The following KLK15 variants were observed in gnomAD, a reference collection of about 807,000 sequenced individuals.
The protein encoded by KLK15 is kallikrein related peptidase 15.
Under a neutral mutation model 21.1 loss-of-function variants are expected in KLK15, and 19 were observed. The observed-to-expected ratio is 0.90, with a 90% CI of 0.63 to 1.32. The LOEUF is 1.32. Ranked by LOEUF, KLK15 falls within the 40% of genes most tolerant of loss-of-function variation. KLK15 has a pLI of 0.00. For synonymous variants in KLK15, 141 were observed against 141.5 expected (o/e 1.00, Z 0.03); for missense variants, 345 against 348.6 (o/e 0.99, Z 0.08).
chr19:50,831,312 T>C, intron 1 of KLK15, 138 bp downstream of exon 2: 2 of 594,014 alleles, frequency 3.4e-6, no homozygotes, highest in Non-Finnish European at 5.4e-6. Flanking sequence ...TTAGGGACAT[T>C]GGCACAGGTG....
chr19:50,826,844 G>A (rs1222537122), intron 3 of KLK15, 34 bp downstream of exon 4: 1 of 1,556,336 alleles, frequency 6.4e-7, no homozygotes, highest in Middle Eastern at 1.7e-4. Flanking sequence ...AGGATTCCTT[G>A]AGGCCTCGCA....
upstream of KLK15, among the ~76,000 whole-genome samples, chr19:50,832,322 C>CTTTTTTTTTTTTTTTTTTT (rs773163899): frequency 2.7e-5 from 3 of 109,438 alleles, no homozygotes; most frequent in African/African-American, 6.7e-5. Context: ...CTTTTTTTTT[C>CTTTTTTTTTTTTTTTTTTT]TTTTTTTTTT....
At chr19:50,827,708 G>A in exon 2 of KLK15, 1 of 1,611,268 alleles carries the variant, frequency 6.2e-7, no homozygotes, top group South Asian at 1.1e-5. Context: ...GGGGAGATGA[G>A]GGAAGCGCCA....
chr19:50,832,449 A>G (rs1251598780), upstream of KLK15, among the ~76,000 whole-genome samples: 2 of 150,512 alleles, frequency 1.3e-5, no homozygotes, highest in Admixed American at 6.6e-5. Flanking sequence ...CAGCCTCCCA[A>G]GCAATTGGGA....
intron 1 of KLK15, among the ~76,000 whole-genome samples, chr19:50,830,186 C>CACACAG: frequency 6.6e-6 from 1 of 151,228 alleles, no homozygotes; most frequent in East Asian, 1.9e-4. Flanking sequence ...CACACACACA[C>CACACAG]AGAATGGCAT....
At chr19:50,832,113 G>A (rs1426523358), upstream of KLK15, among the ~76,000 whole-genome samples, 1 of 111,536 alleles carries the variant, frequency 9.0e-6, no homozygotes, top group African/African-American at 3.4e-5. Flanking sequence ...GAGCCACCGC[G>A]CCTGGTCTAT....
At chr19:50,827,075 T>G (rs774940233) in exon 3 of KLK15, 2 of 1,606,070 alleles carry the variant, frequency 1.2e-6, no homozygotes, top group Admixed American at 1.7e-5. Context: ...GTAGCGCGGG[T>G]GTGGAATGAC....
At chr19:50,832,697 C>T (rs1053185175), upstream of KLK15, among the ~76,000 whole-genome samples, 24 of 152,156 alleles carry the variant, frequency 1.6e-4, 1 homozygote, top group Middle Eastern at 3.2e-3. Flanking sequence ...TTGTCCTAGA[C>T]GCAGCCAGTG....
intron 4 of KLK15, 89 bp from the exon 6 acceptor site, chr19:50,826,037 C>A: frequency 7.6e-7 from 1 of 1,319,624 alleles, no homozygotes; most frequent in Non-Finnish European, 1.0e-6. Flanking sequence ...ACCCCAAACC[C>A]AATCCATCCC....
At chr19:50,827,358 C>A (rs1240858638) in intron 2 of KLK15, among the ~76,000 whole-genome samples, 197 bp from the exon 4 acceptor site, 1 of 151,656 alleles carries the variant, frequency 6.6e-6, no homozygotes, top group African/African-American at 2.4e-5. Flanking sequence ...AGTCTGAAGT[C>A]AGGCACACTC....
exon 5 of KLK15, chr19:50,825,784 A>G (rs1416123498): frequency 6.2e-7 from 1 of 1,610,890 alleles, no homozygotes; most frequent in African/African-American, 1.3e-5. Flanking sequence ...CACAGGAGAT[A>G]GGCTAGAATA....
downstream of KLK15, chr19:50,825,550 T>G: frequency 2.6e-6 from 1 of 383,020 alleles, no homozygotes; most frequent in Non-Finnish European, 4.7e-6. Context: ...GGGTTTCTCT[T>G]TGACCCCAGA....
chr19:50,829,096 G>A (rs571468363), intron 1 of KLK15, among the ~76,000 whole-genome samples: 3 of 150,352 alleles, frequency 2.0e-5, no homozygotes, highest in African/African-American at 4.9e-5. Context: ...ACACAGAATT[G>A]GATATTGTTC....
At chr19:50,832,015 G>A (rs1355421674), upstream of KLK15, among the ~76,000 whole-genome samples, 1 of 151,796 alleles carries the variant, frequency 6.6e-6, no homozygotes, top group African/African-American at 2.4e-5. Context: ...TAGAGACAGG[G>A]TTTCACCGTG....
At chr19:50,830,307 A>T (rs920353080) in intron 1 of KLK15, among the ~76,000 whole-genome samples, 1 of 151,782 alleles carries the variant, frequency 6.6e-6, no homozygotes, top group Non-Finnish European at 1.5e-5. Flanking sequence ...ACTCCCACCC[A>T]CACAGGGGCA....
At position 50,826,100 on chromosome 19, in the gene KLK15, A is replaced by G. The variant is rs911814550; in HGVS notation, c.619-152T>C. ...ACTCAATACAGCCCAGTTTATCCCA[A>G]ACAGAGCCAACCCAACCCCAACCCC... On this transcript the variant is annotated intron_variant, in intron 4 of 4. Transcript: ENST00000598239. 33 of 722,956 alleles carry G rather than the reference A, an allele frequency of 4.6e-5. No homozygotes were observed. The South Asian group carries it at 6.5e-4, about 14-fold the overall frequency. The allele number at this position is 722,956 out of a possible 1,614,324, so 44.8% of individuals were successfully genotyped here. A position where few individuals can be genotyped will look rare whatever the true frequency, so the allele number is the denominator to read the frequency against.
chr19:50,826,604 C>T lies in KLK15; in HGVS notation c.618+17G>A, dbSNP rs772055749. 8 of 1,566,956 alleles carry T rather than the reference C, an allele frequency of 5.1e-6. No homozygotes were observed. The South Asian group carries it at 9.5e-5, about 19-fold the overall frequency. Reference sequence around the variant, plus strand: ...CCATCCCTCTTCTTCCGCCTGATGGCCCCTCTAGGCTCTGACCTCACAGGA... The same window carrying T: ...CCATCCCTCTTCTTCCGCCTGATGGTCCCTCTAGGCTCTGACCTCACAGGA... On this transcript the variant is annotated intron_variant, in intron 4 of 4. Coordinates refer to ENST00000598239, the Ensembl canonical transcript of KLK15.
chr19:50,830,156 C>A (rs1274465193), intron 1 of KLK15, among the ~76,000 whole-genome samples: 2 of 118,232 alleles, frequency 1.7e-5, no homozygotes, highest in Non-Finnish European at 3.7e-5. Flanking sequence ...TGCACACGTG[C>A]ATGTACACAC....
chr19:50,826,672 T>G (rs756455526), exon 4 of KLK15: 2 of 1,613,626 alleles, frequency 1.2e-6, no homozygotes, highest in African/African-American at 2.7e-5. Context: ...CCATGGTGTT[T>G]GTCAGGCGCC....
Sources: allele counts gnomAD v4.1 joint callset (sites outside exome capture counted in the v4.1 genomes callset), GRCh38; gene constraint gnomAD v4.1.1; transcripts MANE v1.5; gene names NCBI Gene and HGNC (gene_info 2026-07-23, HGNC 2026-07-21).